The following MVB12B variants were observed in gnomAD, a reference collection of about 807,000 sequenced individuals.
MVB12B encodes ESCRT-I complex subunit MVB12B.
A neutral mutation model predicts 41.6 loss-of-function variants in MVB12B; 16 were observed. The ratio of observed to expected loss-of-function variants is 0.38; its 90% CI spans 0.26 to 0.58. The LOEUF is 0.58. Among genes scored for constraint, MVB12B ranks in the 20% least tolerant of loss-of-function variants. MVB12B has a pLI of 0.62. For synonymous variants in MVB12B, 133 were observed against 139.7 expected, an observed-to-expected ratio of 0.95 and a Z score of 0.34; for missense variants, 274 against 380.2, an observed-to-expected ratio of 0.72 and a Z score of 2.32.
At chr9:126,439,105 A>G (rs998095355) in intron 7 of MVB12B, among the ~76,000 whole-genome samples, 38 of 151,758 alleles carry the variant, frequency 2.5e-4, no homozygotes, top group Non-Finnish European at 7.4e-5. Context: ...ATTTTAATAC[A>G]CTTCCACCAG....
intron 7 of MVB12B, among the ~76,000 whole-genome samples, chr9:126,470,586 G>A (rs1833290127): frequency 6.6e-6 from 1 of 152,100 alleles, no homozygotes. Flanking sequence ...GAGGGATGAA[G>A]CGAGCCCCTC....
intron 9 of MVB12B, among the ~76,000 whole-genome samples, chr9:126,494,874 C>T (rs1288517008): frequency 2.6e-5 from 4 of 151,536 alleles, no homozygotes; most frequent in Admixed American, 6.6e-5. Context: ...CCCCACCCCC[C>T]CCCAGGGTTG....
At chr9:126,440,029 T>TA (rs1832590814) in intron 7 of MVB12B, among the ~76,000 whole-genome samples, 1 of 152,216 alleles carries the variant, frequency 6.6e-6, no homozygotes, top group Non-Finnish European at 1.5e-5. Flanking sequence ...ACTAAGCTTC[T>TA]AAAACTAGTG....
Position 126,436,635 on chromosome 9 carries a change from A to AT in MVB12B, c.757+14689dup, listed in dbSNP as rs538244405. On this transcript the variant is annotated intron_variant, in intron 7 of 9. Coordinates refer to ENST00000361171, the MANE Select transcript of MVB12B (RefSeq NM_033446.3). The surrounding 1 kb of genome is among the most constrained non-coding windows in gnomAD (Gnocchi z 4.1). Reference sequence around the variant, plus strand: ...AGCTGTAACTACATCTGTGAGCAAGATTCCTTATGAAGAGTAACCTTTAAG... The same window carrying AT: ...AGCTGTAACTACATCTGTGAGCAAGATTTCCTTATGAAGAGTAACCTTTAAG... Among the ~76,000 whole-genome samples, 1 of 152,346 alleles carries AT rather than the reference A, an allele frequency of 6.6e-6. No homozygotes were observed. The highest frequency in any genetic ancestry group is 1.9e-4 in the East Asian group (1 of 5,194).
At chr9:126,353,850 A>G (rs1208615758) in intron 2 of MVB12B, among the ~76,000 whole-genome samples, 2 of 152,164 alleles carry the variant, frequency 1.3e-5, no homozygotes, top group Admixed American at 1.3e-4. Flanking sequence ...ATTCCCATTC[A>G]TACATCTCTG....
At chr9:126,471,441 A>G (rs902823756) in intron 7 of MVB12B, among the ~76,000 whole-genome samples, 2 of 152,152 alleles carry the variant, frequency 1.3e-5, no homozygotes, top group African/African-American at 2.4e-5. Flanking sequence ...TGGCTGATAA[A>G]TCACTCCTTT....
At chr9:126,503,118 G>A (rs45520335) in intron 9 of MVB12B, 59 bp from the exon 10 acceptor site, 670,227 of 1,381,448 alleles carry the variant, frequency 0.49, 166,750 homozygotes, top group African/African-American at 0.74. Flanking sequence ...GGCTGTGGAG[G>A]GGTTTCCCTA....
At chr9:126,493,907 C>T (rs1214833942) in intron 9 of MVB12B, among the ~76,000 whole-genome samples, 2 of 152,170 alleles carry the variant, frequency 1.3e-5, no homozygotes, top group Non-Finnish European at 1.5e-5. Flanking sequence ...CAGGCAGTTA[C>T]GTCGCCTGTG....
chr9:126,391,905 C>T lies in MVB12B; in HGVS notation c.410-161C>T, dbSNP rs950015645. 3.9e-5 allele frequency among the ~76,000 whole-genome samples: 6 copies of T among 152,218 alleles called. No homozygotes were observed. The highest frequency in any genetic ancestry group is 4.2e-4 in the South Asian group (2 of 4,816). ...ATGCAGAGCAGGGTGACTGCAGCCC[C>T]GGGGAAGGCAGGCGGCAGAGCGCAG... is the stretch of plus-strand genomic sequence containing the variant. On this transcript the variant is annotated intron_variant, in intron 4 of 9. Coordinates refer to ENST00000361171, the MANE Select transcript of MVB12B (RefSeq NM_033446.3). This position sits in a 1 kb window ranked among gnomAD's most constrained non-coding sequence, Gnocchi z 4.4.
chr9:126,426,256 C>A (rs997684969), intron 7 of MVB12B, among the ~76,000 whole-genome samples: 2 of 152,360 alleles, frequency 1.3e-5, no homozygotes, highest in Admixed American at 1.3e-4. Flanking sequence ...TGCTATTCAT[C>A]CTTACTCTTT....
Position 126,412,844 on chromosome 9 carries a change from G to C in MVB12B, c.663-9010G>C, listed in dbSNP as rs115266440. Among the ~76,000 whole-genome samples the C allele has an allele frequency of 3.4e-3, 517 of 152,266 alleles. 1 individual carries two copies. Among genetic ancestry groups the C allele is most frequent in the African/African-American group, 0.012 (499 of 41,538 alleles). ...TACATCATTCTGCAACTTTGTTTTT[G>C]CTTGGCTGGTTTTTTGGTTTTGTTT... On this transcript the variant is annotated intron_variant, in intron 6 of 9. Transcript: ENST00000361171.
intron 4 of MVB12B, among the ~76,000 whole-genome samples, chr9:126,387,560 C>T (rs1830833573): frequency 6.6e-6 from 1 of 152,146 alleles, no homozygotes; most frequent in Admixed American, 6.5e-5. Flanking sequence ...ACGCAGATCC[C>T]CTGCTGTTAT....
rs542141648 is a variant in MVB12B, at chr9:126,423,687, C to T, written c.757+1739C>T. Among the ~76,000 whole-genome samples the T allele has an allele frequency of 2.6e-5, 4 of 152,264 alleles. No homozygotes were observed. In the East Asian group the frequency reaches 7.7e-4, roughly 29 times the overall value. ...TTGCTGCCAGAAATACCCTGCAGGA[C>T]CTGCTGGCTCCATAAGGCCTGCAAG... On this transcript the variant is annotated intron_variant, in intron 7 of 9. Coordinates refer to ENST00000361171, the MANE Select transcript of MVB12B (RefSeq NM_033446.3).
Position 126,506,099 on chromosome 9 carries a change from G to A in MVB12B, c.*2836G>A, listed in dbSNP as rs1834064478. ...GTCTCCCTTGCAAATGTATAATTAAGGCCTTTCTTCCCACCCCAAGTCCAA... is the reference window on the plus strand; with the variant it reads ...GTCTCCCTTGCAAATGTATAATTAAAGCCTTTCTTCCCACCCCAAGTCCAA... On this transcript the variant is annotated 3_prime_UTR_variant, in exon 10 of 10. Transcript: ENST00000361171. The A allele has an allele frequency of 6.6e-6, 1 of 152,426 alleles. No individual in the cohort carries two copies. The highest frequency in any genetic ancestry group is 1.5e-5 in the Non-Finnish European group (1 of 68,058). 9.4% of individuals were successfully genotyped at this position (152,426 alleles called of 1,614,324 possible). A position where few individuals can be genotyped will look rare whatever the true frequency, so the allele number is the denominator to read the frequency against.
At chr9:126,370,777 G>A (rs1422096467) in intron 2 of MVB12B, among the ~76,000 whole-genome samples, 1 of 152,064 alleles carries the variant, frequency 6.6e-6, no homozygotes. Flanking sequence ...TGTGTCTTGT[G>A]TCTTACAAAG....
At chr9:126,491,999 T>G (rs983410104) in intron 9 of MVB12B, among the ~76,000 whole-genome samples, 5 of 151,890 alleles carry the variant, frequency 3.3e-5, no homozygotes, top group Non-Finnish European at 7.4e-5. Context: ...CGATCAAAAT[T>G]GATTTTTTAA....
intron 1 of MVB12B, among the ~76,000 whole-genome samples, chr9:126,330,812 GTT>G (rs1829108826): frequency 6.6e-6 from 1 of 152,020 alleles, no homozygotes; most frequent in Admixed American, 6.5e-5. Flanking sequence ...GTTTCTGTGA[GTT>G]TGACTACCCT....
chr9:126,416,780 G>A (rs1831839267), intron 6 of MVB12B, among the ~76,000 whole-genome samples: 1 of 152,174 alleles, frequency 6.6e-6, no homozygotes. Flanking sequence ...TTGAGGTGAT[G>A]AGGCCGGGTG....
Position 126,333,887 on chromosome 9 carries a change from A to G in MVB12B, c.82-6621A>G, listed in dbSNP as rs369384588. Among the ~76,000 whole-genome samples, 7 of 146,240 alleles carry G rather than the reference A, an allele frequency of 4.8e-5. No homozygotes were observed. Among genetic ancestry groups the G allele is most frequent in the South Asian group, 2.2e-4 (1 of 4,646 alleles). On this transcript the variant is annotated intron_variant, in intron 1 of 9. Coordinates refer to ENST00000361171, the MANE Select transcript of MVB12B (RefSeq NM_033446.3). This position sits in a 1 kb window ranked among gnomAD's most constrained non-coding sequence, Gnocchi z 4.7. Reference sequence around the variant, plus strand: ...CATCCATCCATCCATCCATCCATCCATTCGTTCATCAAATACCTGATGAAT... The same window carrying G: ...CATCCATCCATCCATCCATCCATCCGTTCGTTCATCAAATACCTGATGAAT...
Sources: gnomAD v4.1 joint callset for allele counts (sites outside exome capture counted in the v4.1 genomes callset) on GRCh38, gnomAD v4.1.1 for gene constraint, Gnocchi (gnomAD v3.1) non-coding constraint, MANE v1.5 for transcripts, NCBI Gene and HGNC (gene_info 2026-07-23, HGNC 2026-07-21) for gene names.